Variants in TMEM117 observed in about 807,000 individuals in gnomAD.
TMEM117 encodes transmembrane protein 117.
In TMEM117, 27 loss-of-function variants were observed where a neutral mutation model predicts 52.4. The observed-to-expected ratio is 0.51, with a 90% CI of 0.38 to 0.71. The LOEUF (loss-of-function observed/expected upper bound fraction) is 0.71. Among genes scored for constraint, TMEM117 ranks in the 30% least tolerant of loss-of-function variants. The probability of loss-of-function intolerance (pLI) is 0.00; values close to 1 mark genes in which losing one functional copy is unlikely to be tolerated. For synonymous variants in TMEM117, 215 were observed against 206.3 expected (o/e 1.04, Z -0.36); for missense variants, 556 against 630.5 (o/e 0.88, Z 1.26).
At chr12:43,807,605 C>T in the TMEM117 span, among the ~76,000 whole-genome samples, 1 of 152,194 alleles carries the variant, frequency 6.6e-6, no homozygotes, top group East Asian at 1.9e-4. Context: ...TGTCCTAGTG[C>T]TTCGGGGAAA....
At chr12:43,810,662 G>T in the TMEM117 span, among the ~76,000 whole-genome samples, 4 of 152,130 alleles carry the variant, frequency 2.6e-5, no homozygotes, top group African/African-American at 4.8e-5. Flanking sequence ...TGACAAGCAG[G>T]GCGAGAGGGC....
At chr12:44,091,396 C>T (rs908604362) in intron 3 of TMEM117, among the ~76,000 whole-genome samples, 3 of 152,180 alleles carry the variant, frequency 2.0e-5, no homozygotes, top group Admixed American at 2.0e-4. Flanking sequence ...CATGCTTAGC[C>T]TGCCAACATA....
chr12:44,395,081 A>T, the TMEM117 span, among the ~76,000 whole-genome samples: 12 of 152,206 alleles, frequency 7.9e-5, no homozygotes, highest in Non-Finnish European at 1.6e-4. Flanking sequence ...ACTGAAACAA[A>T]ATGTGTAAGA....
At chr12:44,036,509 C>T (rs1044566997) in intron 3 of TMEM117, among the ~76,000 whole-genome samples, 3 of 152,172 alleles carry the variant, frequency 2.0e-5, no homozygotes, top group Non-Finnish European at 4.4e-5. Flanking sequence ...ACTGCCAAGA[C>T]TTGCTTTTTT....
intron 5 of TMEM117, among the ~76,000 whole-genome samples, chr12:44,250,091 C>T (rs1950178539): frequency 6.6e-6 from 1 of 152,104 alleles, no homozygotes; most frequent in Non-Finnish European, 1.5e-5. Flanking sequence ...GCAGTCTACC[C>T]ATCTGACAAA....
chr12:44,140,910 G>T (rs1019680315), intron 3 of TMEM117, among the ~76,000 whole-genome samples: 1 of 152,094 alleles, frequency 6.6e-6, no homozygotes, highest in Non-Finnish European at 1.5e-5. Context: ...AGTTCAGAAA[G>T]GTTTGGCAAG....
intron 3 of TMEM117, among the ~76,000 whole-genome samples, chr12:44,139,302 T>C (rs1948537680): frequency 1.3e-5 from 2 of 152,176 alleles, no homozygotes; most frequent in Admixed American, 6.6e-5. Context: ...ACTGGAACTT[T>C]TGTTGCTAGT....
chr12:43,811,430 C>G, the TMEM117 span, among the ~76,000 whole-genome samples: 1 of 152,210 alleles, frequency 6.6e-6, no homozygotes, highest in Non-Finnish European at 1.5e-5. Context: ...GATTGTCACT[C>G]TCCCCTACTG....
intron 3 of TMEM117, among the ~76,000 whole-genome samples, chr12:43,987,655 G>A (rs542192429): frequency 6.6e-6 from 1 of 151,226 alleles, no homozygotes; most frequent in South Asian, 2.1e-4. Flanking sequence ...TGTTATTTTA[G>A]GTACTAATGA....
chr12:44,167,923 C>G (rs1445212761), intron 4 of TMEM117, among the ~76,000 whole-genome samples: 4 of 152,226 alleles, frequency 2.6e-5, no homozygotes, highest in Non-Finnish European at 5.9e-5. Context: ...AGTTCTGTTA[C>G]TTCCTAAGTG....
chr12:44,246,126 G>A (rs1026114291), intron 5 of TMEM117, among the ~76,000 whole-genome samples: 1 of 151,904 alleles, frequency 6.6e-6, no homozygotes, highest in Non-Finnish European at 1.5e-5. Context: ...CATTACTTAC[G>A]TATATCTAAT....
chr12:44,385,311 G>C (rs917993408), intron 7 of TMEM117, among the ~76,000 whole-genome samples: 28 of 152,168 alleles, frequency 1.8e-4, no homozygotes, highest in Middle Eastern at 3.2e-3. Context: ...GGACACATGA[G>C]AAATAATAAA....
At chr12:44,381,574 T>G (rs1952021131) in intron 7 of TMEM117, among the ~76,000 whole-genome samples, 1 of 152,166 alleles carries the variant, frequency 6.6e-6, no homozygotes, top group Admixed American at 6.6e-5. Context: ...GGAAGGCCTG[T>G]GCAGCCTTGA....
At chr12:43,983,870 A>G (rs1592414631) in intron 3 of TMEM117, among the ~76,000 whole-genome samples, 1 of 152,114 alleles carries the variant, frequency 6.6e-6, no homozygotes, top group Non-Finnish European at 1.5e-5. Context: ...AAAAAAGAAC[A>G]GAATAAAAAA....
chr12:44,010,058 T>G, intron 3 of TMEM117: 1 of 384,368 alleles, frequency 2.6e-6, no homozygotes, highest in Non-Finnish European at 5.3e-6. Context: ...GGGACTGGAG[T>G]TCTCTCTCAC....
chr12:43,956,338 C>G (rs534749897), intron 3 of TMEM117, among the ~76,000 whole-genome samples: 1 of 152,188 alleles, frequency 6.6e-6, no homozygotes, highest in South Asian at 2.1e-4. Flanking sequence ...ATGAAACTAT[C>G]ATCAGAGTGA....
In TMEM117 at chr12:44,015,389, A is replaced by G. The variant is rs1477477786; in HGVS notation, c.410+71047A>G. Among the ~76,000 whole-genome samples the G allele has an allele frequency of 2.6e-5, 4 of 152,224 alleles. No individual in the cohort carries two copies. The East Asian group carries it at 7.7e-4, about 29-fold the overall frequency. Reference sequence around the variant, plus strand: ...ATATATATATCTATAATATACTCAAATAAGATTTCTTGGTATTTTTTGGAC... The same window carrying G: ...ATATATATATCTATAATATACTCAAGTAAGATTTCTTGGTATTTTTTGGAC... On this transcript the variant is annotated intron_variant, in intron 3 of 7. Coordinates refer to ENST00000266534, the MANE Select transcript of TMEM117 (RefSeq NM_032256.3).
chr12:44,170,211 A>G (rs1243503819), intron 4 of TMEM117, among the ~76,000 whole-genome samples: 2 of 148,466 alleles, frequency 1.3e-5, no homozygotes, highest in East Asian at 2.0e-4. Flanking sequence ...ACCAAACACC[A>G]CATGTTCTCA....
chr12:43,845,448 G>A (rs569686159), intron 2 of TMEM117, among the ~76,000 whole-genome samples: 70 of 118,448 alleles, frequency 5.9e-4, no homozygotes, highest in Non-Finnish European at 8.6e-4. Flanking sequence ...GTGACACAGC[G>A]CGACTCCATC....
Sources: gnomAD v4.1 joint callset for allele counts (sites outside exome capture counted in the v4.1 genomes callset) on GRCh38, gnomAD v4.1.1 for gene constraint, MANE v1.5 for transcripts, NCBI Gene and HGNC (gene_info 2026-07-23, HGNC 2026-07-21) for gene names.